Variants in SRGAP1 observed in about 807,000 individuals in gnomAD.
The protein encoded by SRGAP1 is SLIT-ROBO Rho GTPase activating protein 1, also known as SLIT-ROBO Rho GTPase-activating protein 1.
SRGAP1 carries 43 observed loss-of-function variants against 121.9 expected under a neutral mutation model. That is an observed-to-expected ratio of 0.35 (90% CI 0.28 to 0.46). SRGAP1 has a LOEUF of 0.46. Ranked by LOEUF, SRGAP1 falls within the 20% of genes least tolerant of loss-of-function variation. The pLI is 1.00. For synonymous variants in SRGAP1, 447 were observed against 485.4 expected, an observed-to-expected ratio of 0.92 and a Z score of 1.04; for missense variants, 1,102 against 1,350.9, an observed-to-expected ratio of 0.82 and a Z score of 2.89.
At chr12:64,052,606 G>A (rs887502851) in intron 6 of SRGAP1, among the ~76,000 whole-genome samples, 4 of 151,362 alleles carry the variant, frequency 2.6e-5, no homozygotes, top group African/African-American at 9.7e-5. Flanking sequence ...CTGTAAGTAT[G>A]GCATATTTTA....
At chr12:63,865,346 A>G (rs7301437) in intron 1 of SRGAP1, among the ~76,000 whole-genome samples, 43,769 of 151,732 alleles carry the variant, frequency 0.29, 7,193 homozygotes, top group East Asian at 0.55. Context: ...GTGGGTGCCT[A>G]TAATCTTAGT....
chr12:64,114,331 CTTTTTTTT>C (rs957049187), intron 17 of SRGAP1, among the ~76,000 whole-genome samples: 2 of 89,252 alleles, frequency 2.2e-5, no homozygotes, highest in African/African-American at 9.6e-5. Flanking sequence ...ATATGGTTAG[CTTTTTTTT>C]TTTTTTTTTT....
chr12:63,941,220 C>T (rs1008068219), intron 1 of SRGAP1, among the ~76,000 whole-genome samples: 8 of 151,592 alleles, frequency 5.3e-5, no homozygotes, highest in Admixed American at 2.0e-4. Flanking sequence ...CTACTGTTTG[C>T]GCTTTTGCAG....
At chr12:63,927,931 A>G (rs1248677299) in intron 1 of SRGAP1, among the ~76,000 whole-genome samples, 4 of 152,298 alleles carry the variant, frequency 2.6e-5, no homozygotes, top group African/African-American at 9.6e-5. Context: ...TCAATATGCT[A>G]GAATGCATTG....
chr12:63,858,080 T>C (rs888771191), intron 1 of SRGAP1, among the ~76,000 whole-genome samples: 1 of 152,208 alleles, frequency 6.6e-6, no homozygotes, highest in Non-Finnish European at 1.5e-5. Context: ...GTTGATATTA[T>C]GTTTTTTCTT....
intron 1 of SRGAP1, among the ~76,000 whole-genome samples, chr12:63,962,552 C>T (rs1360621744): frequency 6.6e-6 from 1 of 152,028 alleles, no homozygotes; most frequent in Non-Finnish European, 1.5e-5. Context: ...GGATTACAGG[C>T]GCCTGCCACC....
intron 1 of SRGAP1, among the ~76,000 whole-genome samples, chr12:63,878,367 A>AG (rs1402412998): frequency 6.6e-6 from 1 of 152,246 alleles, no homozygotes; most frequent in African/African-American, 2.4e-5. Flanking sequence ...ATTCTAATAA[A>AG]GTTCTCTTTG....
intron 3 of SRGAP1, among the ~76,000 whole-genome samples, chr12:64,014,103 T>A (rs758611873): frequency 3.9e-5 from 6 of 152,252 alleles, no homozygotes; most frequent in Admixed American, 2.0e-4. Flanking sequence ...AATCATCTTA[T>A]TAACACTTAC....
At chr12:64,097,056 T>C (rs1390438474) in intron 14 of SRGAP1, among the ~76,000 whole-genome samples, 185 bp from the exon 15 acceptor site, 1 of 152,220 alleles carries the variant, frequency 6.6e-6, no homozygotes, top group Non-Finnish European at 1.5e-5. Context: ...TAGTCAACTG[T>C]TTTTAGGTTA....
chr12:64,121,026 T>C (rs866954474), intron 18 of SRGAP1, among the ~76,000 whole-genome samples: 183 of 147,412 alleles, frequency 1.2e-3, no homozygotes, highest in Non-Finnish European at 1.9e-3. Flanking sequence ...TTTTTTTTTT[T>C]CTGTGAGACA....
intron 21 of SRGAP1, among the ~76,000 whole-genome samples, chr12:64,133,955 T>C (rs1296767080): frequency 1.3e-5 from 2 of 152,130 alleles, no homozygotes; most frequent in Admixed American, 6.5e-5. Context: ...TATGCCCACC[T>C]TGCCTTTGAT....
At position 64,009,516 on chromosome 12, in the gene SRGAP1, T is replaced by C. The variant is rs977415981; in HGVS notation, c.427-7434T>C. ...AGATTGTGAGTGACTTTGGTGTTGATGACTATGCACCTTTCAAATTGTCTG... is the reference window on the plus strand; with the variant it reads ...AGATTGTGAGTGACTTTGGTGTTGACGACTATGCACCTTTCAAATTGTCTG... On this transcript the variant is annotated intron_variant, in intron 3 of 21. Transcript: ENST00000355086. 2.0e-5 allele frequency among the ~76,000 whole-genome samples: 3 copies of C among 152,302 alleles called. No homozygotes were observed. In the East Asian group the frequency reaches 5.8e-4, roughly 29 times the overall value.
At chr12:63,913,030 G>T (rs2030574632) in intron 1 of SRGAP1, among the ~76,000 whole-genome samples, 1 of 151,718 alleles carries the variant, frequency 6.6e-6, no homozygotes, top group Non-Finnish European at 1.5e-5. Flanking sequence ...CACACATAAG[G>T]CTTGTGTTTA....
intron 1 of SRGAP1, among the ~76,000 whole-genome samples, chr12:63,860,256 C>T (rs1016791741): frequency 2.0e-5 from 3 of 152,152 alleles, no homozygotes; most frequent in African/African-American, 7.2e-5. Flanking sequence ...AGCAATTTGC[C>T]TGCCTTGGAC....
intron 18 of SRGAP1, among the ~76,000 whole-genome samples, chr12:64,122,170 G>C (rs1352989998): frequency 5.9e-5 from 9 of 152,178 alleles, no homozygotes; most frequent in Non-Finnish European, 2.9e-5. Flanking sequence ...GGCAGTCAGG[G>C]AATCAGCTGT....
chr12:64,122,220 A>C (rs990638733), intron 18 of SRGAP1, among the ~76,000 whole-genome samples: 2 of 152,214 alleles, frequency 1.3e-5, no homozygotes, highest in African/African-American at 4.8e-5. Flanking sequence ...TATATTACCC[A>C]TGCAGGAAAA....
intron 1 of SRGAP1, among the ~76,000 whole-genome samples, chr12:63,965,140 A>G (rs1233619575): frequency 1.3e-5 from 2 of 152,206 alleles, no homozygotes; most frequent in Admixed American, 6.5e-5. Context: ...GATTCAAGGT[A>G]AGCTAATAAA....
At chr12:63,936,018 ATC>A (rs1343563166) in intron 1 of SRGAP1, among the ~76,000 whole-genome samples, 2 of 152,226 alleles carry the variant, frequency 1.3e-5, no homozygotes, top group Admixed American at 1.3e-4. Flanking sequence ...AATAGTGGTT[ATC>A]TCCTCTGATG....
chr12:64,026,418 T>C (rs567412974), intron 4 of SRGAP1, among the ~76,000 whole-genome samples: 3 of 152,278 alleles, frequency 2.0e-5, no homozygotes, highest in South Asian at 2.1e-4. Flanking sequence ...TAAAAAATCA[T>C]GTAAAGGAAA....
Sources: gnomAD v4.1 joint callset for allele counts (sites outside exome capture counted in the v4.1 genomes callset) on GRCh38, gnomAD v4.1.1 for gene constraint, MANE v1.5 for transcripts, NCBI Gene and HGNC (gene_info 2026-07-23, HGNC 2026-07-21) for gene names.